PLEKHS1: variants seen among roughly 807,000 people sequenced by gnomAD.
PLEKHS1 encodes pleckstrin homology domain containing S1, also known as pleckstrin homology domain-containing family S member 1.
A neutral mutation model predicts 51.0 loss-of-function variants in PLEKHS1; 55 were observed. The observed-to-expected ratio is 1.08, with a 90% confidence interval of 0.87 to 1.35. The LOEUF is 1.35. Ranked by LOEUF, PLEKHS1 falls within the 40% of genes most tolerant of loss-of-function variation. The probability of loss-of-function intolerance (pLI) is 0.00; values close to 1 mark genes in which losing one functional copy is unlikely to be tolerated. For synonymous variants in PLEKHS1, 153 were observed against 144.8 expected (o/e 1.06, Z -0.41); for missense variants, 398 against 423.0 (o/e 0.94, Z 0.52).
At chr10:113,757,356 T>C (rs553343287) in intron 2 of PLEKHS1, among the ~76,000 whole-genome samples, 23 of 152,228 alleles carry the variant, frequency 1.5e-4, no homozygotes, top group Non-Finnish European at 3.2e-4. Context: ...TCAAGTTTGT[T>C]TCCATGCCAA....
At position 113,766,611 on chromosome 10, in the gene PLEKHS1, G is replaced by T. The variant is rs780717276; in HGVS notation, c.118-1G>T. Reference sequence around the variant, plus strand: ...AGACATAAAATCTTTTTATTTTTCAGACCTCTTGGAAAAAGCGGTTTTTCA... The same window carrying T: ...AGACATAAAATCTTTTTATTTTTCATACCTCTTGGAAAAAGCGGTTTTTCA... On this transcript the variant is annotated splice_acceptor_variant, in intron 3 of 11. Coordinates refer to ENST00000361048, the Ensembl canonical transcript of PLEKHS1. LOFTEE classifies it high-confidence loss of function. 6.2e-7 allele frequency: 1 copy of T among 1,604,562 alleles called. No individual in the cohort carries two copies. The highest frequency in any genetic ancestry group is 8.5e-7 in the Non-Finnish European group (1 of 1,177,332).
At chr10:113,762,510 G>A (rs985096448) in intron 2 of PLEKHS1, among the ~76,000 whole-genome samples, 1 of 150,924 alleles carries the variant, frequency 6.6e-6, no homozygotes, top group Non-Finnish European at 1.5e-5. Context: ...TACTGCTTTA[G>A]TGGCATCCAC....
chr10:113,777,343 AC>A, intron 11 of PLEKHS1, 84 bp downstream of exon 12: 1 of 1,607,414 alleles, frequency 6.2e-7, no homozygotes, highest in South Asian at 1.1e-5. Context: ...TCTGAGAAGT[AC>A]CCTGAATACA....
At chr10:113,778,785 A>G (rs1010042393) in intron 11 of PLEKHS1, among the ~76,000 whole-genome samples, 2 of 151,940 alleles carry the variant, frequency 1.3e-5, no homozygotes, top group Admixed American at 6.6e-5. Flanking sequence ...CTGGGACTAC[A>G]GGCGCCGGCC....
intron 5 of PLEKHS1, 110 bp from the exon 6 acceptor site, chr10:113,768,705 C>A: frequency 1.3e-6 from 1 of 787,628 alleles, no homozygotes; most frequent in Non-Finnish European, 2.0e-6. Flanking sequence ...ATTCTTATTT[C>A]GCTGGTACCT....
chr10:113,774,861 G>C (rs561044872), exon 10 of PLEKHS1: 1 of 1,614,114 alleles, frequency 6.2e-7, no homozygotes, highest in Non-Finnish European at 8.5e-7. Flanking sequence ...TCTGTGGATA[G>C]CAGCAAAGAG....
chr10:113,757,334 C>G (rs1854169232), intron 2 of PLEKHS1, among the ~76,000 whole-genome samples: 2 of 152,086 alleles, frequency 1.3e-5, no homozygotes, highest in African/African-American at 4.8e-5. Context: ...ACAAGCACAC[C>G]TCAGAGATAT....
chr10:113,771,949 A>AT, intron 7 of PLEKHS1, 21 bp from the exon 8 acceptor site: 2 of 1,593,576 alleles, frequency 1.3e-6, no homozygotes, highest in Middle Eastern at 3.3e-4. Flanking sequence ...AAAGCAAAGC[A>AT]TTTTTATCTC....
exon 3 of PLEKHS1, chr10:113,766,499 G>C (rs1448028997): frequency 6.3e-7 from 1 of 1,599,910 alleles, no homozygotes; most frequent in Non-Finnish European, 8.6e-7. Context: ...TCTCCTCTGT[G>C]GTAAGTATTT....
chr10:113,774,827 T>G, exon 10 of PLEKHS1: 1 of 1,613,354 alleles, frequency 6.2e-7, no homozygotes, highest in Non-Finnish European at 8.5e-7. Context: ...ATGCTCTAGT[T>G]TTTTCAAAGA....
chr10:113,775,024 T>C, exon 10 of PLEKHS1: 4 of 1,613,958 alleles, frequency 2.5e-6, no homozygotes, highest in Non-Finnish European at 3.4e-6. Flanking sequence ...TGCAATTGTC[T>C]ATATTAATCA....
chr10:113,764,099 CTTGTTTGT>C (rs1162034816), intron 2 of PLEKHS1, among the ~76,000 whole-genome samples: 4 of 151,818 alleles, frequency 2.6e-5, no homozygotes, highest in Non-Finnish European at 5.9e-5. Context: ...ATATAGTTTG[CTTGTTTGT>C]TTGTTTGTTT....
intron 7 of PLEKHS1, among the ~76,000 whole-genome samples, chr10:113,771,698 A>G (rs1431840751): frequency 1.4e-5 from 2 of 148,092 alleles, no homozygotes; most frequent in Middle Eastern, 3.5e-3. Context: ...AAAAAAAAGA[A>G]TACCACCCAC....
At chr10:113,780,619 C>T (rs201435892) in exon 12 of PLEKHS1, 51 of 1,613,622 alleles carry the variant, frequency 3.2e-5, no homozygotes, top group African/African-American at 1.2e-4. Flanking sequence ...AGCTTACCAT[C>T]GGCAGGATCC....
At chr10:113,767,847 A>G (rs1312430432) in intron 5 of PLEKHS1, among the ~76,000 whole-genome samples, 2 of 152,174 alleles carry the variant, frequency 1.3e-5, no homozygotes, top group Non-Finnish European at 2.9e-5. Flanking sequence ...TTGAGGCAAC[A>G]TAACTCCAGT....
At position 113,780,574 on chromosome 10, in the gene PLEKHS1, T is replaced by C. The variant is rs145063460; in HGVS notation, c.*-28T>C. On this transcript the variant is annotated intron_variant, in intron 11 of 11. Coordinates refer to ENST00000361048, the Ensembl canonical transcript of PLEKHS1. ...CAATCTTAAAGATAATCTTTAGCCATTTAACTTTCTTCTTTCTTGTGTTTT... is the reference window on the plus strand; with the variant it reads ...CAATCTTAAAGATAATCTTTAGCCACTTAACTTTCTTCTTTCTTGTGTTTT... The C allele has an allele frequency of 3.4e-4, 544 of 1,595,194 alleles. 2 individuals are homozygous for C. The African/African-American group carries it at 5.9e-3, about 17-fold the overall frequency.
exon 12 of PLEKHS1, chr10:113,780,978 G>T: frequency 1.7e-6 from 1 of 583,550 alleles, no homozygotes; most frequent in Non-Finnish European, 3.0e-6. Context: ...CATGATTGGA[G>T]AACCTGGGGG....
chr10:113,761,403 T>C (rs1395837214), intron 2 of PLEKHS1, among the ~76,000 whole-genome samples: 1 of 152,116 alleles, frequency 6.6e-6, no homozygotes, highest in Non-Finnish European at 1.5e-5. Context: ...ATTAAGTCTT[T>C]CAATTCATAA....
intron 1 of PLEKHS1, among the ~76,000 whole-genome samples, chr10:113,754,866 G>A (rs796180624): frequency 1.9e-4 from 29 of 152,326 alleles, no homozygotes; most frequent in African/African-American, 7.0e-4. Context: ...CTCAGCCAGT[G>A]ATGCTTTCTC....
Sources: gnomAD v4.1 joint callset for allele counts (sites outside exome capture counted in the v4.1 genomes callset) on GRCh38, gnomAD v4.1.1 for gene constraint, MANE v1.5 for transcripts, NCBI Gene and HGNC (gene_info 2026-07-23, HGNC 2026-07-21) for gene names.